The following CTNNA2 variants were observed in gnomAD, a reference collection of about 807,000 sequenced individuals.
CTNNA2 encodes the protein catenin alpha 2, also known as catenin alpha-2.
Under a neutral mutation model 101.0 loss-of-function variants are expected in CTNNA2, and 42 were observed. The ratio of observed to expected loss-of-function variants is 0.42; its 90% CI spans 0.32 to 0.54. CTNNA2 has a LOEUF of 0.54. Ranked by LOEUF, CTNNA2 falls within the 20% of genes least tolerant of loss-of-function variation. The probability of loss-of-function intolerance (pLI) is 0.14; values close to 1 mark genes in which losing one functional copy is unlikely to be tolerated. For missense variants in CTNNA2, 871 were observed against 1,223.1 expected (o/e 0.71, Z 4.29); for synonymous variants, 450 against 456.4 (o/e 0.99, Z 0.18).
chr2:79,600,383 G>T (rs1051996163), intron 1 of CTNNA2, among the ~76,000 whole-genome samples: 1 of 151,860 alleles, frequency 6.6e-6, no homozygotes, highest in African/African-American at 2.4e-5. Flanking sequence ...TCGCCCTGTT[G>T]ACTAGGCTGG....
At chr2:80,021,241 A>G (rs1426101033) in intron 7 of CTNNA2, among the ~76,000 whole-genome samples, 2 of 151,912 alleles carry the variant, frequency 1.3e-5, no homozygotes, top group African/African-American at 4.8e-5. Context: ...GATGGTCTTA[A>G]ACTCTTGAGC....
At chr2:79,224,291 A>G (rs771587417) in intron 2 of CTNNA2, among the ~76,000 whole-genome samples, 2 of 152,158 alleles carry the variant, frequency 1.3e-5, no homozygotes, top group Non-Finnish European at 2.9e-5. Flanking sequence ...TACCAAACCA[A>G]TGAATCACCA....
intron 7 of CTNNA2, among the ~76,000 whole-genome samples, chr2:80,231,282 C>T (rs759095279): frequency 1.2e-4 from 18 of 152,154 alleles, no homozygotes; most frequent in South Asian, 4.1e-4. Context: ...CCACCACACC[C>T]GGCCTGTTCC....
At chr2:79,444,263 A>T (rs1678807254) in intron 4 of CTNNA2, among the ~76,000 whole-genome samples, 1 of 152,204 alleles carries the variant, frequency 6.6e-6, no homozygotes. Context: ...TCAGCACAAT[A>T]GATAACTAGT....
chr2:80,079,487 G>A (rs1023813115), intron 7 of CTNNA2, among the ~76,000 whole-genome samples: 1 of 152,100 alleles, frequency 6.6e-6, no homozygotes. Flanking sequence ...AGATAGCCCT[G>A]CCTCTAGGAG....
At chr2:80,437,588 A>G (rs944495540) in intron 9 of CTNNA2, among the ~76,000 whole-genome samples, 2 of 152,190 alleles carry the variant, frequency 1.3e-5, no homozygotes, top group Non-Finnish European at 2.9e-5. Flanking sequence ...GAGTCTAATT[A>G]TTTATTTTGT....
chr2:79,591,269 G>T (rs1676826602), intron 1 of CTNNA2, among the ~76,000 whole-genome samples: 1 of 152,112 alleles, frequency 6.6e-6, no homozygotes, highest in Non-Finnish European at 1.5e-5. Context: ...TTTAGGAAAG[G>T]CTGTATCAAA....
chr2:79,594,330 C>T (rs1677056321), intron 1 of CTNNA2, among the ~76,000 whole-genome samples: 1 of 152,168 alleles, frequency 6.6e-6, no homozygotes, highest in Non-Finnish European at 1.5e-5. Flanking sequence ...AGAAGACACT[C>T]ACCATCCAGA....
intron 7 of CTNNA2, among the ~76,000 whole-genome samples, chr2:80,225,617 A>G (rs1290018321): frequency 6.6e-6 from 1 of 152,200 alleles, no homozygotes; most frequent in Non-Finnish European, 1.5e-5. Flanking sequence ...TCATGAAGTA[A>G]CTTCATTGAA....
rs191856718 is a variant in CTNNA2, at chr2:79,931,209, T to G, written c.1056+21412T>G. Reference sequence around the variant, plus strand: ...ACTAGTGGTTAAAAGACCTTGTATGTTATTGACTCACCAATAAGTTGTAGT... The same window carrying G: ...ACTAGTGGTTAAAAGACCTTGTATGGTATTGACTCACCAATAAGTTGTAGT... On this transcript the variant is annotated intron_variant, in intron 7 of 18. Transcript: ENST00000402739. 1.7e-3 allele frequency among the ~76,000 whole-genome samples: 253 copies of G among 152,324 alleles called. 1 individual carries two copies. Among genetic ancestry groups the G allele is most frequent in the Admixed American group, 2.3e-3 (35 of 15,302 alleles).
chr2:80,117,838 T>TAACACCCAATATA (rs1307053453), intron 7 of CTNNA2, among the ~76,000 whole-genome samples: 1 of 152,212 alleles, frequency 6.6e-6, no homozygotes, highest in East Asian at 1.9e-4. Flanking sequence ...AGTATTAGTG[T>TAACACCCAATATA]TTGACTATTA....
chr2:79,646,810 T>C (rs964899606), intron 1 of CTNNA2, among the ~76,000 whole-genome samples: 1 of 152,296 alleles, frequency 6.6e-6, no homozygotes, highest in African/African-American at 2.4e-5. Flanking sequence ...ATTACAGGCA[T>C]GAGCCACTGT....
At chr2:80,308,962 G>A (rs1321556949) in intron 7 of CTNNA2, among the ~76,000 whole-genome samples, 1 of 151,974 alleles carries the variant, frequency 6.6e-6, no homozygotes. Flanking sequence ...GGTGGTGGGT[G>A]CCTGTAATCC....
At chr2:79,529,697 C>T (rs1332180111) in intron 1 of CTNNA2, among the ~76,000 whole-genome samples, 1 of 128,052 alleles carries the variant, frequency 7.8e-6, no homozygotes, top group African/African-American at 2.6e-5. Context: ...AAAAAGAAAA[C>T]ACACTTGGAA....
chr2:79,813,092 A>G (rs55992618), intron 3 of CTNNA2, among the ~76,000 whole-genome samples: 3,575 of 152,284 alleles, frequency 0.023, 146 homozygotes, highest in African/African-American at 0.081. Context: ...CCAGGACATG[A>G]GACTTTCAGT....
intron 7 of CTNNA2, among the ~76,000 whole-genome samples, chr2:80,242,658 C>T (rs1437247404): frequency 6.6e-6 from 1 of 152,214 alleles, no homozygotes; most frequent in Non-Finnish European, 1.5e-5. Context: ...CCAGCCCTCA[C>T]TGTCTAAGTG....
chr2:80,319,278 A>G lies in CTNNA2; in HGVS notation c.1057-73933A>G, dbSNP rs1248651010. On this transcript the variant is annotated intron_variant, in intron 7 of 18. Coordinates refer to ENST00000402739, the MANE Select transcript of CTNNA2 (RefSeq NM_001282597.3). ...ATGTCTACCAATTTGGAATATAATT[A>G]CCTAGCAAGGGCTGATGGATACCAA... 2.6e-5 allele frequency among the ~76,000 whole-genome samples: 4 copies of G among 152,162 alleles called. No homozygotes were observed. The East Asian group carries it at 7.7e-4, about 29-fold the overall frequency.
chr2:79,720,405 AT>A (rs1270869220), intron 2 of CTNNA2, among the ~76,000 whole-genome samples: 8 of 151,776 alleles, frequency 5.3e-5, no homozygotes, highest in African/African-American at 1.4e-4. Flanking sequence ...TTACTTAAAA[AT>A]TTTTTTTTCT....
intron 7 of CTNNA2, among the ~76,000 whole-genome samples, chr2:80,212,685 T>C (rs1393721717): frequency 1.3e-5 from 2 of 152,322 alleles, no homozygotes; most frequent in East Asian, 3.9e-4. Context: ...TTCTCTTTTT[T>C]TGTTGTGTCT....
Sources: gnomAD v4.1 joint callset for allele counts (sites outside exome capture counted in the v4.1 genomes callset) on GRCh38, gnomAD v4.1.1 for gene constraint, MANE v1.5 for transcripts, NCBI Gene and HGNC (gene_info 2026-07-23, HGNC 2026-07-21) for gene names.